The following PCDHA5 variants were observed in gnomAD, a reference collection of about 807,000 sequenced individuals.
PCDHA5 encodes protocadherin alpha-5.
Under a neutral mutation model 61.6 loss-of-function variants are expected in PCDHA5, and 43 were observed. That is an observed-to-expected ratio of 0.70 (90% CI 0.55 to 0.90). The LOEUF (loss-of-function observed/expected upper bound fraction) is 0.90, where lower values mean the gene tolerates loss of function less well. PCDHA5 is among the 40% of genes least tolerant of loss of function. The probability of loss-of-function intolerance (pLI) is 0.00; values close to 1 mark genes in which losing one functional copy is unlikely to be tolerated. For synonymous variants in PCDHA5, 627 were observed against 543.9 expected (o/e 1.15, Z -2.13); for missense variants, 1,298 against 1,222.7 (o/e 1.06, Z -0.92).
At chr5:140,900,494 C>G (rs2068089293) in intron 1 of PCDHA5, among the ~76,000 whole-genome samples, 1 of 152,202 alleles carries the variant, frequency 6.6e-6, no homozygotes, top group Admixed American at 6.5e-5. Context: ...TCAGACTGGT[C>G]TCAAATTCCC....
chr5:140,853,605 G>C lies in PCDHA5; in HGVS notation c.2352+29478G>C, dbSNP rs773791072. ...TCTTAGACACTTTGAGAGCAAAGGG[G>C]GTGCTGTAAATAAGTATACAAGATC... On this transcript the variant is annotated intron_variant, in intron 1 of 3. Coordinates refer to ENST00000529859, the MANE Select transcript of PCDHA5 (RefSeq NM_018908.3). The C allele has an allele frequency of 3.1e-5, 31 of 987,206 alleles. 2 individuals carry two copies. The highest frequency in any genetic ancestry group is 3.7e-5 in the Non-Finnish European group (30 of 819,622). The allele number at this position is 987,206 out of a possible 1,614,324, so 61.2% of individuals were successfully genotyped here.
intron 3 of PCDHA5, among the ~76,000 whole-genome samples, chr5:141,005,506 A>G (rs1462164149): frequency 1.3e-5 from 2 of 151,786 alleles, no homozygotes; most frequent in East Asian, 3.9e-4. Flanking sequence ...GATCGAGACC[A>G]TCCTGGCTAA....
chr5:140,821,980 G>A lies in PCDHA5; in HGVS notation c.205G>A (p.Gly69Ser), dbSNP rs1554128359. 9.3e-6 allele frequency: 15 copies of A among 1,614,138 alleles called. No individual in the cohort carries two copies. Among genetic ancestry groups the A allele is most frequent in the South Asian group, 4.4e-5 (4 of 91,090 alleles). The change falls in exon 1 of 4, where the codon GGC (glycine) becomes AGC (serine). Residue 69 changes from glycine (G) to serine (S), a missense_variant. Gly to Ser is a moderately conservative substitution (Grantham distance 56, BLOSUM62 0). Coordinates refer to ENST00000529859, the MANE Select transcript of PCDHA5 (RefSeq NM_018908.3). ...GCGCCTGTTCCGGGTGGCGTCCAAG[G>A]GCCGCGGGGACCTTCTGGAGGTAAA... Reference protein sequence around the residue: ...VPRLFRVASKGRGDLLEVNLQ... With the variant: ...VPRLFRVASKSRGDLLEVNLQ...
chr5:140,875,915 TG>T, intron 1 of PCDHA5: 1 of 1,614,214 alleles, frequency 6.2e-7, no homozygotes, highest in Non-Finnish European at 8.5e-7. Context: ...TCTGCGCCTC[TG>T]GACTCTCATT....
At chr5:140,865,241 T>C (rs1581737051) in intron 1 of PCDHA5, 1 of 152,220 alleles carries the variant, frequency 6.6e-6, no homozygotes, top group Non-Finnish European at 1.5e-5. Context: ...AACACGTATT[T>C]ATAGCTGTAA....
chr5:140,975,903 C>A (rs1189531342), intron 1 of PCDHA5, among the ~76,000 whole-genome samples: 1 of 152,090 alleles, frequency 6.6e-6, no homozygotes, highest in Admixed American at 6.6e-5. Context: ...AGTTTTGTGA[C>A]CATTATTCTA....
intron 1 of PCDHA5, chr5:140,967,902 C>T: frequency 6.2e-7 from 1 of 1,614,192 alleles, no homozygotes; most frequent in East Asian, 2.2e-5. Flanking sequence ...GAGAATGCTA[C>T]ACCCAACACC....
chr5:140,846,036 T>A (rs2150383909), intron 1 of PCDHA5, among the ~76,000 whole-genome samples: 1 of 149,754 alleles, frequency 6.7e-6, no homozygotes, highest in Non-Finnish European at 1.5e-5. Context: ...TTTAGGAAAG[T>A]CAAGTTAACA....
chr5:140,952,531 C>T (rs1463200514), intron 1 of PCDHA5, among the ~76,000 whole-genome samples: 1 of 152,138 alleles, frequency 6.6e-6, no homozygotes, highest in Non-Finnish European at 1.5e-5. Context: ...CCTCCTCAGA[C>T]TGGACTTCTT....
chr5:140,884,610 G>A (rs1554181783), intron 1 of PCDHA5: 1 of 1,614,138 alleles, frequency 6.2e-7, no homozygotes, highest in South Asian at 1.1e-5. Context: ...CCTTGTCTGG[G>A]TTCTGCAGAG....
chr5:140,828,250 G>T, intron 1 of PCDHA5: 5 of 1,613,982 alleles, frequency 3.1e-6, no homozygotes, highest in Non-Finnish European at 4.2e-6. Flanking sequence ...AGGACCTGGG[G>T]CTGGAGCTGG....
intron 3 of PCDHA5, among the ~76,000 whole-genome samples, chr5:140,992,504 C>T (rs2097516189): frequency 6.6e-6 from 1 of 152,174 alleles, no homozygotes; most frequent in African/African-American, 2.4e-5. Context: ...GGATTCAATC[C>T]TGGGGCATGG....
chr5:140,830,281 C>T, intron 1 of PCDHA5: 2 of 1,613,822 alleles, frequency 1.2e-6, no homozygotes, highest in Non-Finnish European at 1.7e-6. Flanking sequence ...CCACCGAGGG[C>T]GCGTGCACGG....
intron 1 of PCDHA5, among the ~76,000 whole-genome samples, chr5:140,937,289 G>A (rs1252675615): frequency 6.6e-5 from 10 of 151,862 alleles, no homozygotes; most frequent in African/African-American, 9.7e-5. Flanking sequence ...CACCCGCTTC[G>A]GCCTCCCAAA....
intron 1 of PCDHA5, among the ~76,000 whole-genome samples, chr5:140,889,720 T>G (rs1259294888): frequency 2.6e-5 from 4 of 152,240 alleles, no homozygotes; most frequent in African/African-American, 9.6e-5. Context: ...TCTTTGCTAC[T>G]GTCTCACTGA....
chr5:140,828,511 G>T lies in PCDHA5; in HGVS notation c.2352+4384G>T, dbSNP rs2150156254. ...TGTTCCCGGTAGAGGAACAAAGAGTGCTGATTTACGAATCTAGGCTGCCAG... is the reference window on the plus strand; with the variant it reads ...TGTTCCCGGTAGAGGAACAAAGAGTTCTGATTTACGAATCTAGGCTGCCAG... On this transcript the variant is annotated intron_variant, in intron 1 of 3. Transcript: ENST00000529859. 9 of 1,614,130 alleles carry T rather than the reference G, an allele frequency of 5.6e-6. No individual in the cohort carries two copies. The Admixed American group carries it at 1.3e-4, about 24-fold the overall frequency.
intron 1 of PCDHA5, among the ~76,000 whole-genome samples, chr5:140,913,163 T>C (rs1248646454): frequency 1.3e-5 from 2 of 152,198 alleles, no homozygotes; most frequent in African/African-American, 4.8e-5. Context: ...AGGATTGGTA[T>C]TAGTTCTTCT....
intron 1 of PCDHA5, among the ~76,000 whole-genome samples, chr5:140,923,187 T>C (rs1554201249): frequency 1.3e-5 from 2 of 152,192 alleles, no homozygotes; most frequent in African/African-American, 4.8e-5. Flanking sequence ...ATGCATCTAC[T>C]GCAGCAATTT....
At chr5:140,884,621 G>C (rs116377419) in intron 1 of PCDHA5, 2 of 1,613,996 alleles carry the variant, frequency 1.2e-6, no homozygotes, top group South Asian at 2.2e-5. Context: ...TTCTGCAGAG[G>C]GAACAGGCCA....
Sources: allele counts gnomAD v4.1 joint callset (sites outside exome capture counted in the v4.1 genomes callset), GRCh38; gene constraint gnomAD v4.1.1; transcripts MANE v1.5; gene names NCBI Gene and HGNC (gene_info 2026-07-23, HGNC 2026-07-21).